The following SYT1 variants were observed in gnomAD, a reference collection of about 807,000 sequenced individuals.
SYT1 encodes synaptotagmin-1.
SYT1 carries 8 observed loss-of-function variants against 44.8 expected under a neutral mutation model. The observed-to-expected ratio is 0.18, with a 90% CI of 0.10 to 0.32. SYT1 has a LOEUF of 0.32. Ranked by LOEUF, SYT1 falls within the 10% of genes least tolerant of loss-of-function variation. SYT1 has a pLI of 1.00. For missense variants in SYT1, 286 were observed against 509.3 expected, an observed-to-expected ratio of 0.56 and a Z score of 4.22; for synonymous variants, 154 against 188.8, an observed-to-expected ratio of 0.82 and a Z score of 1.51.
intron 3 of SYT1, among the ~76,000 whole-genome samples, chr12:79,088,478 C>T (rs1218288827): frequency 2.6e-5 from 4 of 151,946 alleles, no homozygotes; most frequent in East Asian, 1.9e-4. Flanking sequence ...CAGTTTAAAC[C>T]GTGTGGCCAG....
chr12:79,431,100 C>T (rs1869749888), intron 9 of SYT1, among the ~76,000 whole-genome samples: 1 of 152,238 alleles, frequency 6.6e-6, no homozygotes, highest in African/African-American at 2.4e-5. Flanking sequence ...AGATGTCAGC[C>T]TGGCAGAATG....
chr12:79,024,693 T>C (rs987241336), intron 2 of SYT1, among the ~76,000 whole-genome samples: 1 of 151,766 alleles, frequency 6.6e-6, no homozygotes, highest in African/African-American at 2.4e-5. Context: ...GGGTACATTC[T>C]GTTGTCCTTG....
At chr12:79,037,411 T>C (rs1190918086) in intron 2 of SYT1, among the ~76,000 whole-genome samples, 1 of 151,818 alleles carries the variant, frequency 6.6e-6, no homozygotes, top group African/African-American at 2.4e-5. Context: ...CAGTATGTGA[T>C]TATTGTAACT....
At chr12:79,228,689 AT>A (rs1308527066) in intron 4 of SYT1, among the ~76,000 whole-genome samples, 1 of 152,172 alleles carries the variant, frequency 6.6e-6, no homozygotes, top group African/African-American at 2.4e-5. Flanking sequence ...AAATAAAAAA[AT>A]CTCACTATTA....
intron 3 of SYT1, among the ~76,000 whole-genome samples, chr12:79,172,281 A>G (rs1329563411): frequency 1.3e-5 from 2 of 151,966 alleles, no homozygotes; most frequent in Non-Finnish European, 2.9e-5. Context: ...AACTTTAGGT[A>G]TACTGAGACT....
chr12:79,100,483 A>G (rs957371974), intron 3 of SYT1, among the ~76,000 whole-genome samples: 1 of 152,178 alleles, frequency 6.6e-6, no homozygotes, highest in Non-Finnish European at 1.5e-5. Context: ...GAAGGAAAAG[A>G]AGGAAAGGAG....
chr12:78,907,901 T>C (rs1205958214), intron 1 of SYT1, among the ~76,000 whole-genome samples: 3 of 152,052 alleles, frequency 2.0e-5, no homozygotes, highest in Non-Finnish European at 2.9e-5. Flanking sequence ...CTTTATACTT[T>C]GAAGGTAATG....
chr12:79,418,281 C>A (rs1171687796), intron 9 of SYT1, among the ~76,000 whole-genome samples: 2 of 152,064 alleles, frequency 1.3e-5, no homozygotes, highest in East Asian at 1.9e-4. Flanking sequence ...TCACTTGGTG[C>A]CCGAATGATC....
At chr12:79,354,030 CAT>C (rs1449769500) in intron 9 of SYT1, among the ~76,000 whole-genome samples, 1 of 152,148 alleles carries the variant, frequency 6.6e-6, no homozygotes, top group African/African-American at 2.4e-5. Context: ...GATAGCCTAA[CAT>C]AGTTCCTACG....
intron 3 of SYT1, among the ~76,000 whole-genome samples, chr12:79,087,943 G>A (rs1288772780): frequency 6.6e-6 from 1 of 152,052 alleles, no homozygotes; most frequent in Non-Finnish European, 1.5e-5. Context: ...GAGTTTTCAA[G>A]TTGGAGAACT....
At chr12:79,139,687 C>G (rs190265732) in intron 3 of SYT1, among the ~76,000 whole-genome samples, 247 of 152,272 alleles carry the variant, frequency 1.6e-3, no homozygotes, top group African/African-American at 5.7e-3. Context: ...AAAACCAAAT[C>G]ATAGACTAAG....
chr12:78,912,959 G>A (rs980920447), intron 1 of SYT1, among the ~76,000 whole-genome samples: 1 of 151,778 alleles, frequency 6.6e-6, no homozygotes, highest in Admixed American at 6.6e-5. Context: ...AGACTGGAAA[G>A]TTATATTTTA....
intron 9 of SYT1, among the ~76,000 whole-genome samples, chr12:79,433,865 G>A (rs1471326114): frequency 6.6e-6 from 1 of 152,104 alleles, no homozygotes; most frequent in Non-Finnish European, 1.5e-5. Flanking sequence ...TCTACTAAGG[G>A]TGGTGCTCCA....
At chr12:79,373,467 A>C (rs544678692) in intron 9 of SYT1, among the ~76,000 whole-genome samples, 2 of 152,320 alleles carry the variant, frequency 1.3e-5, no homozygotes, top group South Asian at 4.1e-4. Context: ...CCTTTAAAAT[A>C]TAATTACTAA....
chr12:79,013,352 T>A (rs1336244822), intron 2 of SYT1, among the ~76,000 whole-genome samples: 1 of 152,102 alleles, frequency 6.6e-6, no homozygotes, highest in Non-Finnish European at 1.5e-5. Context: ...TGATTTCAGT[T>A]CACTGAGTGG....
chr12:79,178,277 T>C (rs972316886), intron 3 of SYT1, among the ~76,000 whole-genome samples: 2 of 152,068 alleles, frequency 1.3e-5, no homozygotes, highest in African/African-American at 4.8e-5. Flanking sequence ...GACTGTTCTC[T>C]TCCTTTTACT....
At chr12:79,000,545 C>T (rs938560722) in intron 2 of SYT1, among the ~76,000 whole-genome samples, 73 of 152,254 alleles carry the variant, frequency 4.8e-4, no homozygotes, top group Non-Finnish European at 2.8e-4. Context: ...GTGATCCACC[C>T]ACCTCAGCCT....
intron 3 of SYT1, among the ~76,000 whole-genome samples, chr12:79,120,264 G>A (rs763959701): frequency 2.6e-5 from 4 of 151,964 alleles, no homozygotes; most frequent in African/African-American, 9.7e-5. Context: ...TATAAACATG[G>A]GAACAATAAG....
intron 1 of SYT1, among the ~76,000 whole-genome samples, chr12:78,975,657 G>A (rs1440744814): frequency 6.6e-6 from 1 of 152,110 alleles, no homozygotes; most frequent in Non-Finnish European, 1.5e-5. Context: ...TTGCCTGTAA[G>A]CTCATAATCC....
Sources: allele counts gnomAD v4.1 joint callset (sites outside exome capture counted in the v4.1 genomes callset), GRCh38; gene constraint gnomAD v4.1.1; transcripts MANE v1.5; gene names NCBI Gene and HGNC (gene_info 2026-07-23, HGNC 2026-07-21).